The following CTNND2 variants were observed in gnomAD, a reference collection of about 807,000 sequenced individuals.
The protein encoded by CTNND2 is catenin delta-2.
In CTNND2, 22 loss-of-function variants were observed where a neutral mutation model predicts 144.4. The ratio of observed to expected loss-of-function variants is 0.15; its 90% CI spans 0.11 to 0.22. CTNND2 has a LOEUF of 0.22. Ranked by LOEUF, CTNND2 falls within the 10% of genes least tolerant of loss-of-function variation. CTNND2 has a pLI of 1.00. For missense variants in CTNND2, 1,353 were observed against 1,618.8 expected (o/e 0.84, Z 2.82); for synonymous variants, 751 against 695.6 (o/e 1.08, Z -1.25).
rs1021992232 is a variant in CTNND2, at chr5:11,244,829, G to A, written c.1629-8006C>T. On this transcript the variant is annotated intron_variant, in intron 9 of 21. Coordinates refer to ENST00000304623, the MANE Select transcript of CTNND2 (RefSeq NM_001332.4). Reference sequence around the variant, plus strand: ...TGGAGCAGCCACAGATCTCCCTGGAGAAGTGCTCAGCTCATGGGGGACTAG... The same window carrying A: ...TGGAGCAGCCACAGATCTCCCTGGAAAAGTGCTCAGCTCATGGGGGACTAG... Among the ~76,000 whole-genome samples the A allele has an allele frequency of 8.5e-5, 13 of 152,314 alleles. 1 individual carries two copies. Among genetic ancestry groups the A allele is most frequent in the Admixed American group, 3.9e-4 (6 of 15,312 alleles).
At chr5:11,847,603 T>C (rs1334730099) in intron 1 of CTNND2, among the ~76,000 whole-genome samples, 1 of 152,040 alleles carries the variant, frequency 6.6e-6, no homozygotes, top group Admixed American at 6.6e-5. Context: ...ATGTAGTATA[T>C]ATTTCGAAAT....
chr5:11,316,370 C>T (rs922117179), intron 9 of CTNND2, among the ~76,000 whole-genome samples: 4 of 151,956 alleles, frequency 2.6e-5, no homozygotes, highest in African/African-American at 7.2e-5. Flanking sequence ...GGACTATAGG[C>T]GCCTGCCACC....
intron 16 of CTNND2, among the ~76,000 whole-genome samples, chr5:11,072,640 A>G (rs1432560977): frequency 6.6e-6 from 1 of 152,220 alleles, no homozygotes; most frequent in Non-Finnish European, 1.5e-5. Context: ...CTCTCACTCA[A>G]TGTCCCTTTG....
At position 11,350,683 on chromosome 5, in the gene CTNND2, T is replaced by A. The variant is rs1165852645; in HGVS notation, c.1373-4056A>T. 3.3e-5 allele frequency among the ~76,000 whole-genome samples: 5 copies of A among 152,166 alleles called. No homozygotes were observed. The East Asian group carries it at 7.7e-4, about 24-fold the overall frequency. On this transcript the variant is annotated intron_variant, in intron 8 of 21. Coordinates refer to ENST00000304623, the MANE Select transcript of CTNND2 (RefSeq NM_001332.4). Reference sequence around the variant, plus strand: ...GTAAAATAAGTTAGAGGCTAATCAATGCAATGAAAATAATGTAAAATACCA... The same window carrying A: ...GTAAAATAAGTTAGAGGCTAATCAAAGCAATGAAAATAATGTAAAATACCA...
intron 12 of CTNND2, among the ~76,000 whole-genome samples, chr5:11,153,766 C>A (rs923630529): frequency 9.2e-5 from 14 of 151,906 alleles, no homozygotes; most frequent in Admixed American, 8.5e-4. Context: ...GGACAAGATA[C>A]TGAAGTGGGA....
At chr5:11,706,642 T>A (rs1785708827) in intron 2 of CTNND2, among the ~76,000 whole-genome samples, 1 of 152,230 alleles carries the variant, frequency 6.6e-6, no homozygotes, top group African/African-American at 2.4e-5. Context: ...TTATGTCTTT[T>A]TGTGAATATC....
intron 3 of CTNND2, among the ~76,000 whole-genome samples, chr5:11,532,346 T>A (rs1011350204): frequency 1.7e-5 from 2 of 120,526 alleles, no homozygotes; most frequent in Non-Finnish European, 3.2e-5. Context: ...ACATCCCCAA[T>A]AAACTATTCT....
chr5:11,591,884 G>T (rs1227748260), intron 2 of CTNND2, among the ~76,000 whole-genome samples: 1 of 151,882 alleles, frequency 6.6e-6, no homozygotes, highest in Non-Finnish European at 1.5e-5. Context: ...TTCTTGGCCT[G>T]ACTTTTGCTT....
intron 3 of CTNND2, among the ~76,000 whole-genome samples, chr5:11,493,920 T>C (rs1208898665): frequency 2.6e-5 from 4 of 152,032 alleles, no homozygotes; most frequent in Non-Finnish European, 5.9e-5. Context: ...TATTGTAGAT[T>C]TGTAGCTGCG....
At chr5:11,446,066 G>A (rs1764773379) in intron 3 of CTNND2, among the ~76,000 whole-genome samples, 1 of 152,120 alleles carries the variant, frequency 6.6e-6, no homozygotes, top group African/African-American at 2.4e-5. Flanking sequence ...TCGCCTCCAG[G>A]GTTCAAGAGA....
intron 13 of CTNND2, among the ~76,000 whole-genome samples, chr5:11,111,268 T>C (rs965801929): frequency 3.3e-5 from 5 of 152,210 alleles, no homozygotes; most frequent in African/African-American, 1.2e-4. Context: ...TTATCAGCAA[T>C]AGTTACTTCT....
chr5:11,761,097 A>C (rs1426056441), intron 1 of CTNND2, among the ~76,000 whole-genome samples: 1 of 152,188 alleles, frequency 6.6e-6, no homozygotes, highest in East Asian at 1.9e-4. Flanking sequence ...ATTCCACCAA[A>C]GACGATACCG....
At chr5:11,250,756 A>C (rs187351971) in intron 9 of CTNND2, among the ~76,000 whole-genome samples, 3 of 151,836 alleles carry the variant, frequency 2.0e-5, no homozygotes, top group Non-Finnish European at 2.9e-5. Context: ...GGCTCAAGTG[A>C]TCCTTCTGCC....
intron 3 of CTNND2, among the ~76,000 whole-genome samples, chr5:11,460,376 G>T (rs1278058734): frequency 1.3e-5 from 2 of 152,214 alleles, no homozygotes; most frequent in Admixed American, 1.3e-4. Flanking sequence ...GGCATCCATT[G>T]TAATTGTCCA....
intron 2 of CTNND2, among the ~76,000 whole-genome samples, chr5:11,672,411 CAG>C (rs1364837519): frequency 6.6e-6 from 1 of 152,174 alleles, no homozygotes; most frequent in East Asian, 1.9e-4. Flanking sequence ...TGATCCGTCC[CAG>C]GGAGATGGGG....
intron 3 of CTNND2, 83 bp downstream of exon 3, chr5:11,564,861 C>G: frequency 2.3e-6 from 2 of 885,846 alleles, no homozygotes; most frequent in Non-Finnish European, 3.6e-6. Flanking sequence ...AATTCCACCA[C>G]CGGGTTGGAA....
chr5:11,202,111 C>A (rs1028307703), intron 10 of CTNND2, among the ~76,000 whole-genome samples: 9 of 152,090 alleles, frequency 5.9e-5, no homozygotes, highest in South Asian at 2.1e-4. Flanking sequence ...TCCATTCTTG[C>A]AGTGAATCTA....
chr5:11,667,753 G>A (rs894322042), intron 2 of CTNND2, among the ~76,000 whole-genome samples: 2 of 152,136 alleles, frequency 1.3e-5, no homozygotes, highest in African/African-American at 4.8e-5. Context: ...TTGCTGTGTG[G>A]AGGCTCTTTA....
chr5:11,837,524 C>G (rs897623528), intron 1 of CTNND2, among the ~76,000 whole-genome samples: 1 of 152,206 alleles, frequency 6.6e-6, no homozygotes, highest in South Asian at 2.1e-4. Flanking sequence ...AGAAGGCAAT[C>G]TCGAATCTCC....
Sources: allele counts gnomAD v4.1 joint callset (sites outside exome capture counted in the v4.1 genomes callset), GRCh38; gene constraint gnomAD v4.1.1; transcripts MANE v1.5; gene names NCBI Gene and HGNC (gene_info 2026-07-23, HGNC 2026-07-21).